The following TBC1D19 variants were observed in gnomAD, a reference collection of about 807,000 sequenced individuals.
The protein encoded by TBC1D19 is TBC1 domain family, member 19.
Under a neutral mutation model 89.0 loss-of-function variants are expected in TBC1D19, and 60 were observed. The ratio of observed to expected loss-of-function variants is 0.67; its 90% CI spans 0.55 to 0.84. The LOEUF (loss-of-function observed/expected upper bound fraction) is 0.84, where lower values mean the gene tolerates loss of function less well. Ranked by LOEUF, TBC1D19 falls within the 40% of genes least tolerant of loss-of-function variation. The pLI is 0.00. For missense variants in TBC1D19, 500 were observed against 610.8 expected (o/e 0.82, Z 1.91); for synonymous variants, 189 against 199.7 (o/e 0.95, Z 0.45).
chr4:26,725,034 G>A (rs139754350), intron 15 of TBC1D19, among the ~76,000 whole-genome samples: 1 of 152,164 alleles, frequency 6.6e-6, no homozygotes, highest in Admixed American at 6.5e-5. Flanking sequence ...GCAATCTCCT[G>A]AGCCAGTCCC....
intron 7 of TBC1D19, among the ~76,000 whole-genome samples, chr4:26,650,668 G>A (rs949145199): frequency 8.5e-5 from 13 of 152,118 alleles, no homozygotes; most frequent in Non-Finnish European, 2.9e-5. Flanking sequence ...TAGGTTGCCT[G>A]TTCACTCTGA....
the TBC1D19 span, among the ~76,000 whole-genome samples, chr4:26,785,119 C>T: frequency 2.0e-5 from 3 of 152,204 alleles, no homozygotes; most frequent in East Asian, 5.8e-4. Flanking sequence ...ATGTTAGAAG[C>T]CATTTCAGAT....
chr4:26,610,266 T>C (rs1200095589), intron 1 of TBC1D19, among the ~76,000 whole-genome samples: 1 of 152,020 alleles, frequency 6.6e-6, no homozygotes, highest in Admixed American at 6.6e-5. Context: ...CTATAATGTA[T>C]TGTTATGGGG....
chr4:26,750,903 C>A (rs1386515587), intron 19 of TBC1D19, among the ~76,000 whole-genome samples: 2 of 152,120 alleles, frequency 1.3e-5, no homozygotes, highest in African/African-American at 4.8e-5. Context: ...ACTATGTAGT[C>A]TTGAGAAATA....
the TBC1D19 span, among the ~76,000 whole-genome samples, chr4:26,768,426 G>GTA: frequency 1.3e-5 from 2 of 152,116 alleles, no homozygotes; most frequent in Non-Finnish European, 2.9e-5. Flanking sequence ...AAAGTAAAAT[G>GTA]TACAATACTT....
At chr4:26,696,322 A>G (rs140255969) in intron 13 of TBC1D19, among the ~76,000 whole-genome samples, 4 of 152,350 alleles carry the variant, frequency 2.6e-5, no homozygotes, top group Non-Finnish European at 5.9e-5. Context: ...TCTTAAATAT[A>G]TATGCACCCG....
downstream of TBC1D19, among the ~76,000 whole-genome samples, chr4:26,760,964 G>A (rs1035109070): frequency 2.4e-4 from 37 of 152,132 alleles, no homozygotes; most frequent in African/African-American, 8.2e-4. Flanking sequence ...ATCATTTGCT[G>A]AAGAGACTGT....
the TBC1D19 span, among the ~76,000 whole-genome samples, chr4:26,761,816 G>T: frequency 6.6e-6 from 1 of 151,966 alleles, no homozygotes; most frequent in Non-Finnish European, 1.5e-5. Flanking sequence ...ACAATAGTTT[G>T]GCCAATTTAG....
the TBC1D19 span, among the ~76,000 whole-genome samples, chr4:26,834,053 T>C: frequency 1.1e-4 from 17 of 152,128 alleles, no homozygotes; most frequent in African/African-American, 4.1e-4. Flanking sequence ...TGAGTTCTTA[T>C]GAGATCTGGT....
At chr4:26,826,077 C>G in the TBC1D19 span, among the ~76,000 whole-genome samples, 163 of 152,270 alleles carry the variant, frequency 1.1e-3, no homozygotes, top group African/African-American at 3.7e-3. Flanking sequence ...TGGCATGCAC[C>G]TGTAATCCCA....
chr4:26,629,716 A>C (rs1000537034), intron 4 of TBC1D19, among the ~76,000 whole-genome samples: 1 of 152,030 alleles, frequency 6.6e-6, no homozygotes, highest in Admixed American at 6.6e-5. Flanking sequence ...TTCCAAAAGA[A>C]ACAATGTTAC....
Position 26,605,274 on chromosome 4 carries a change from A to G in TBC1D19, c.100-7895A>G, listed in dbSNP as rs1297824706. On this transcript the variant is annotated intron_variant, in intron 1 of 20. Coordinates refer to ENST00000264866, the MANE Select transcript of TBC1D19 (RefSeq NM_018317.4). The stretch of plus-strand genomic sequence containing the variant: ...TGTGTCCATGTGTTCTCATTGTTCA[A>G]TTCCCATCTATGAGTGAGAACATGC... 1.0e-4 allele frequency among the ~76,000 whole-genome samples: 14 copies of G among 137,492 alleles called. No individual in the cohort carries two copies. The South Asian group carries it at 1.4e-3, about 14-fold the overall frequency. 90.2% of individuals were successfully genotyped at this position (137,492 alleles called of 152,430 possible). A position where few individuals can be genotyped will look rare whatever the true frequency, so the allele number is the denominator to read the frequency against.
intron 4 of TBC1D19, 48 bp downstream of exon 4, chr4:26,620,736 A>AAT (rs1334599459): frequency 1.3e-6 from 2 of 1,534,622 alleles, no homozygotes; most frequent in South Asian, 2.3e-5. Flanking sequence ...CAAGTTATGT[A>AAT]ATACAGAGCA....
the TBC1D19 span, among the ~76,000 whole-genome samples, chr4:26,833,647 C>T: frequency 4.6e-5 from 7 of 152,350 alleles, 1 homozygote; most frequent in South Asian, 1.5e-3. Flanking sequence ...GTAAAGGAAG[C>T]TTGTGCTACA....
At chr4:26,840,846 G>A in the TBC1D19 span, among the ~76,000 whole-genome samples, 2 of 152,112 alleles carry the variant, frequency 1.3e-5, no homozygotes, top group African/African-American at 2.4e-5. Flanking sequence ...CAGCTCAAGC[G>A]CTGTCCTTCT....
chr4:26,754,267 A>G (rs1719143902), intron 20 of TBC1D19: 1 of 174,892 alleles, frequency 5.7e-6, no homozygotes, highest in African/African-American at 2.4e-5. Flanking sequence ...TTTGGATGAT[A>G]TAGTGAAGAT....
chr4:26,593,737 T>A (rs914002636), intron 1 of TBC1D19, among the ~76,000 whole-genome samples: 6 of 152,082 alleles, frequency 3.9e-5, no homozygotes, highest in East Asian at 1.9e-4. Context: ...ACACGTGAAA[T>A]AATGCTCATC....
chr4:26,825,855 C>T, the TBC1D19 span, among the ~76,000 whole-genome samples: 3 of 152,158 alleles, frequency 2.0e-5, no homozygotes, highest in African/African-American at 7.2e-5. Flanking sequence ...GAAACAGGGC[C>T]TGGTCCAAGT....
At chr4:26,747,728 G>A (rs756064689) in intron 18 of TBC1D19, among the ~76,000 whole-genome samples, 25 of 152,212 alleles carry the variant, frequency 1.6e-4, no homozygotes, top group Non-Finnish European at 3.4e-4. Flanking sequence ...TGATTTCAGA[G>A]ATAAATTGTT....
Sources: gnomAD v4.1 joint callset for allele counts (sites outside exome capture counted in the v4.1 genomes callset) on GRCh38, gnomAD v4.1.1 for gene constraint, MANE v1.5 for transcripts, NCBI Gene and HGNC (gene_info 2026-07-23, HGNC 2026-07-21) for gene names.